The following SNURF variants were observed in gnomAD, a reference collection of about 807,000 sequenced individuals.
SNURF encodes SNRPN upstream open reading frame.
Under a neutral mutation model 11.6 loss-of-function variants are expected in SNURF, and 6 were observed. The observed-to-expected ratio is 0.52, with a 90% CI of 0.28 to 1.02. The LOEUF (loss-of-function observed/expected upper bound fraction) is 1.02, where lower values mean the gene tolerates loss of function less well. Ranked by LOEUF, SNURF falls within the 50% of genes least tolerant of loss-of-function variation. The pLI is 0.09. For synonymous variants in SNURF, 29 were observed against 31.6 expected (o/e 0.92, Z 0.27); for missense variants, 84 against 88.4 (o/e 0.95, Z 0.20).
intron 1 of SNURF, among the ~76,000 whole-genome samples, 188 bp from the exon 2 acceptor site, chr15:24,961,923 AAGG>A (rs2074899148): frequency 3.3e-5 from 5 of 152,196 alleles, no homozygotes; most frequent in Admixed American, 2.6e-4. Context: ...GGGCTTCTAA[AAGG>A]AGAAAAAAGT....
chr15:24,959,325 A>C (rs529862051), intron 1 of SNURF, among the ~76,000 whole-genome samples: 1 of 152,280 alleles, frequency 6.6e-6, no homozygotes, highest in African/African-American at 2.4e-5. Flanking sequence ...TTATATGTAG[A>C]TTAAAAATAA....
chr15:24,977,991 G>A, downstream of SNURF: 1 of 1,393,040 alleles, frequency 7.2e-7, no homozygotes, highest in Non-Finnish European at 9.8e-7. Flanking sequence ...GACACAGCCT[G>A]AGAGCCTAAG....
rs763591584 is a variant in SNURF at position 24,976,459 on chromosome 15, A to G, written c.*309+43A>G. ...CAGGACAGAACTTTAATTTGCAGGG[A>G]CATCATATTATGTGAGATGTCTGAA... On this transcript the variant is annotated intron_variant and NMD_transcript_variant, in intron 5 of 6. Transcript: ENST00000580062. The G allele has an allele frequency of 2.1e-5, 27 of 1,279,992 alleles. No individual in the cohort carries two copies. The Middle Eastern group carries it at 1.7e-3, about 79-fold the overall frequency. 79.3% of individuals were successfully genotyped at this position (1,279,992 alleles called of 1,614,324 possible).
At chr15:24,971,982 G>A (rs780913679), downstream of SNURF, among the ~76,000 whole-genome samples, 29 of 152,166 alleles carry the variant, frequency 1.9e-4, no homozygotes, top group Non-Finnish European at 3.2e-4. Flanking sequence ...CTGGCTGGGC[G>A]CAGTGGCTCA....
chr15:24,972,809 G>A (rs530409512), downstream of SNURF, among the ~76,000 whole-genome samples: 13 of 152,008 alleles, frequency 8.6e-5, no homozygotes, highest in South Asian at 1.5e-3. Context: ...TAACAATTCC[G>A]TTCAACAACA....
intron 2 of SNURF, 91 bp downstream of exon 2, chr15:24,962,300 C>G (rs2074960423): frequency 1.9e-6 from 2 of 1,032,660 alleles, no homozygotes; most frequent in Non-Finnish European, 3.0e-6. Flanking sequence ...TTAAAATGAA[C>G]ATAATTGAAG....
intron 2 of SNURF, among the ~76,000 whole-genome samples, chr15:24,965,276 G>A (rs1030500901): frequency 1.8e-4 from 27 of 152,110 alleles, no homozygotes; most frequent in African/African-American, 5.8e-4. Flanking sequence ...GGTGGCTCAC[G>A]CCTGTAATCC....
At chr15:24,966,388 G>A (rs180901262) in intron 2 of SNURF, among the ~76,000 whole-genome samples, 30 of 152,210 alleles carry the variant, frequency 2.0e-4, no homozygotes, top group African/African-American at 4.8e-4. Flanking sequence ...GCACATTAGC[G>A]TATATCACCA....
At chr15:24,978,359 C>G, downstream of SNURF, 1 of 1,614,098 alleles carries the variant, frequency 6.2e-7, no homozygotes. Context: ...AGCCAGGCCC[C>G]TGAATATGTG....
chr15:24,966,388 G>T (rs180901262), intron 2 of SNURF, among the ~76,000 whole-genome samples: 1 of 152,092 alleles, frequency 6.6e-6, no homozygotes, highest in African/African-American at 2.4e-5. Context: ...GCACATTAGC[G>T]TATATCACCA....
intron 3 of SNURF, chr15:24,974,270 T>C (rs2076809595): frequency 3.3e-6 from 2 of 610,734 alleles, no homozygotes; most frequent in East Asian, 2.8e-5. Flanking sequence ...TTTTAAAACA[T>C]GGTAGATTGC....
At chr15:24,966,876 A>T (rs1366636411) in intron 2 of SNURF, among the ~76,000 whole-genome samples, 1 of 152,098 alleles carries the variant, frequency 6.6e-6, no homozygotes, top group African/African-American at 2.4e-5. Context: ...CATTTCCTGT[A>T]TGTCTTCCTT....
chr15:24,972,318 C>T (rs899740081), downstream of SNURF, among the ~76,000 whole-genome samples: 2 of 150,786 alleles, frequency 1.3e-5, no homozygotes, highest in Admixed American at 1.3e-4. Flanking sequence ...TGGATTTAGA[C>T]TGCTTTATAA....
intron 3 of SNURF, chr15:24,974,336 G>T: frequency 6.7e-6 from 6 of 898,650 alleles, no homozygotes; most frequent in Non-Finnish European, 5.6e-6. Context: ...TGAAGCTTCT[G>T]CCCAGCTTGC....
intron 3 of SNURF, among the ~76,000 whole-genome samples, chr15:24,973,883 G>C (rs1251198689): frequency 2.6e-5 from 4 of 151,952 alleles, no homozygotes. Context: ...GCGAATTTAG[G>C]GGAAGAAAGA....
downstream of SNURF, among the ~76,000 whole-genome samples, chr15:24,971,002 A>G (rs952273968): frequency 2.0e-5 from 3 of 152,132 alleles, no homozygotes; most frequent in Non-Finnish European, 4.4e-5. Flanking sequence ...CTGATATTCC[A>G]TGGTGTGTCT....
rs543675351 is a variant in SNURF at position 24,966,277 on chromosome 15, C to T, written c.111-1655C>T. 8.2e-5 allele frequency among the ~76,000 whole-genome samples: 12 copies of T among 147,208 alleles called. No homozygotes were observed. In the South Asian group the frequency reaches 2.5e-3, roughly 31 times the overall value. On this transcript the variant is annotated intron_variant, in intron 2 of 2. Transcript: ENST00000577949. The stretch of plus-strand genomic sequence containing the variant: ...TAGTAGATCTCAAGAAAGTGCTATA[C>T]TTACTAGTTTTTTTTATAAAGGATA...
chr15:24,964,474 A>G (rs1419309086), intron 2 of SNURF, among the ~76,000 whole-genome samples: 2 of 151,942 alleles, frequency 1.3e-5, no homozygotes, highest in East Asian at 1.9e-4. Flanking sequence ...GTATTTTTTT[A>G]GTAGAGACAG....
chr15:24,975,734 G>A (rs988304207), intron 4 of SNURF, among the ~76,000 whole-genome samples: 1 of 152,194 alleles, frequency 6.6e-6, no homozygotes, highest in Admixed American at 6.5e-5. Context: ...GGGAGTAAAA[G>A]TATATGCTAT....
Sources: allele counts gnomAD v4.1 joint callset (sites outside exome capture counted in the v4.1 genomes callset), GRCh38; gene constraint gnomAD v4.1.1; transcripts MANE v1.5; gene names NCBI Gene and HGNC (gene_info 2026-07-23, HGNC 2026-07-21).